The following PHIP variants were observed in gnomAD, a reference collection of about 807,000 sequenced individuals.
PHIP encodes the protein PH-interacting protein.
PHIP carries 54 observed loss-of-function variants against 236.8 expected under a neutral mutation model. That is an observed-to-expected ratio of 0.23 (90% confidence interval 0.18 to 0.29). PHIP has a LOEUF of 0.29. Ranked by LOEUF, PHIP falls within the 10% of genes least tolerant of loss-of-function variation. The probability of loss-of-function intolerance (pLI) is 1.00; values close to 1 mark genes in which losing one functional copy is unlikely to be tolerated. For missense variants in PHIP, 1,370 were observed against 2,190.8 expected (o/e 0.63, Z 7.48); for synonymous variants, 756 against 718.9 (o/e 1.05, Z -0.83).
intron 36 of PHIP, 40 bp from the exon 37 acceptor site, chr6:78,946,914 G>A (rs1773852445): frequency 7.6e-7 from 1 of 1,319,946 alleles, no homozygotes; most frequent in Non-Finnish European, 1.0e-6. Context: ...ATTCCTTGGA[G>A]GAAAATACCT....
intron 35 of PHIP, among the ~76,000 whole-genome samples, chr6:78,949,399 C>CT (rs1774013347): frequency 6.6e-6 from 1 of 152,090 alleles, no homozygotes; most frequent in South Asian, 2.1e-4. Context: ...CAATCAGCTC[C>CT]TTTTCTCACT....
chr6:78,967,224 G>A (rs1358239615), intron 27 of PHIP, among the ~76,000 whole-genome samples: 1 of 152,052 alleles, frequency 6.6e-6, no homozygotes, highest in African/African-American at 2.4e-5. Flanking sequence ...CAGGAGAAAA[G>A]TTAATAGAAC....
chr6:79,066,635 T>C (rs934905244), intron 4 of PHIP, among the ~76,000 whole-genome samples: 1 of 152,206 alleles, frequency 6.6e-6, no homozygotes, highest in Non-Finnish European at 1.5e-5. Context: ...TCACTTGCAC[T>C]ACTAAGGAAA....
At chr6:79,004,118 C>T (rs763657127) in intron 15 of PHIP, among the ~76,000 whole-genome samples, 4 of 152,060 alleles carry the variant, frequency 2.6e-5, no homozygotes, top group Non-Finnish European at 4.4e-5. Flanking sequence ...CCATAGAATT[C>T]TGCTTCATGT....
intron 6 of PHIP, among the ~76,000 whole-genome samples, chr6:79,049,165 C>A (rs899096351): frequency 6.6e-6 from 1 of 151,640 alleles, no homozygotes; most frequent in East Asian, 1.9e-4. Context: ...TGGGTTCAAG[C>A]GATTCTCATG....
intron 29 of PHIP, among the ~76,000 whole-genome samples, chr6:78,964,947 T>G (rs764150854): frequency 1.1e-4 from 17 of 152,186 alleles, no homozygotes; most frequent in Admixed American, 2.0e-4. Flanking sequence ...GTGTGTTGTA[T>G]TTTTTACAAA....
chr6:78,942,870 CT>C (rs1773574762), intron 39 of PHIP, among the ~76,000 whole-genome samples: 1 of 152,100 alleles, frequency 6.6e-6, no homozygotes, highest in Non-Finnish European at 1.5e-5. Flanking sequence ...GACTCATCAA[CT>C]TTATAAAGCA....
chr6:78,996,304 G>A (rs1236055745), intron 19 of PHIP, among the ~76,000 whole-genome samples: 3 of 152,156 alleles, frequency 2.0e-5, no homozygotes, highest in Non-Finnish European at 2.9e-5. Context: ...TCTGTGTCTG[G>A]TGAATATTAC....
chr6:78,961,877 C>A, intron 30 of PHIP, 67 bp from the exon 31 acceptor site: 1 of 1,301,784 alleles, frequency 7.7e-7, no homozygotes, highest in South Asian at 1.3e-5. Context: ...AAGAATTCTG[C>A]TTGAATTAAG....
intron 9 of PHIP, 69 bp downstream of exon 9, chr6:79,025,450 C>G (rs1771351313): frequency 1.1e-6 from 1 of 896,072 alleles, no homozygotes; most frequent in Non-Finnish European, 1.9e-6. Context: ...TTGTCGACTA[C>G]TTTATACTTT....
At chr6:78,963,015 A>T (rs1482366245) in intron 30 of PHIP, 82 bp downstream of exon 30, 6 of 1,347,842 alleles carry the variant, frequency 4.5e-6, no homozygotes, top group African/African-American at 1.5e-5. Context: ...GTGAAAAAAA[A>T]TTTTTGTTGG....
intron 7 of PHIP, among the ~76,000 whole-genome samples, chr6:79,041,979 T>C (rs1772241166): frequency 6.6e-6 from 1 of 152,044 alleles, no homozygotes; most frequent in African/African-American, 2.4e-5. Context: ...TTGTCATAAC[T>C]ACGTAAAATT....
intron 20 of PHIP, among the ~76,000 whole-genome samples, chr6:78,988,923 C>T (rs1329342502): frequency 6.6e-6 from 1 of 152,048 alleles, no homozygotes; most frequent in East Asian, 1.9e-4. Flanking sequence ...AGCTACCCTG[C>T]CACTATGAAG....
intron 7 of PHIP, among the ~76,000 whole-genome samples, chr6:79,027,618 T>C (rs918663971): frequency 2.6e-5 from 4 of 152,178 alleles, no homozygotes; most frequent in African/African-American, 9.6e-5. Context: ...GACAGAAGAA[T>C]GTAAATGTGA....
intron 35 of PHIP, among the ~76,000 whole-genome samples, chr6:78,951,141 G>T (rs1429295035): frequency 1.3e-5 from 2 of 152,090 alleles, no homozygotes; most frequent in African/African-American, 4.8e-5. Flanking sequence ...AGTCCTTGGA[G>T]ATTTTACATT....
intron 17 of PHIP, 150 bp from the exon 18 acceptor site, chr6:78,998,541 A>C (rs1488615933): frequency 1.7e-6 from 1 of 588,482 alleles, no homozygotes; most frequent in Non-Finnish European, 2.9e-6. Flanking sequence ...GGAGTTAAAA[A>C]AAAAAAGGAA....
At chr6:79,056,838 C>T (rs1364247864) in intron 6 of PHIP, among the ~76,000 whole-genome samples, 1 of 152,078 alleles carries the variant, frequency 6.6e-6, no homozygotes, top group Non-Finnish European at 1.5e-5. Context: ...TCCGCAACTC[C>T]AGACCCTAGC....
chr6:79,065,209 C>T (rs1773566856), intron 4 of PHIP, among the ~76,000 whole-genome samples: 1 of 152,200 alleles, frequency 6.6e-6, no homozygotes, highest in African/African-American at 2.4e-5. Context: ...CCATTCAAAT[C>T]TATTCTCTAT....
rs1774287595 is a variant in PHIP, at chr6:79,078,128, C to T, written c.-60G>A. Reference sequence around the variant, plus strand: ...CCCCGCCGCCGAGGGGAAGCGGGGACGGTGCCGCCGCCTGCCCTATAGCTG... The same window carrying T: ...CCCCGCCGCCGAGGGGAAGCGGGGATGGTGCCGCCGCCTGCCCTATAGCTG... On this transcript the variant is annotated 5_prime_UTR_variant, in exon 1 of 40. Coordinates refer to ENST00000275034, the MANE Select transcript of PHIP (RefSeq NM_017934.7). 5.2e-6 allele frequency: 8 copies of T among 1,552,436 alleles called. No individual in the cohort carries two copies. The highest frequency in any genetic ancestry group is 1.4e-5 in the African/African-American group (1 of 73,196).
Sources: allele counts gnomAD v4.1 joint callset (sites outside exome capture counted in the v4.1 genomes callset), GRCh38; gene constraint gnomAD v4.1.1; transcripts MANE v1.5; gene names NCBI Gene and HGNC (gene_info 2026-07-23, HGNC 2026-07-21).